Variants in PCDH11X observed in about 807,000 individuals in gnomAD.
PCDH11X encodes protocadherin-11 X-linked.
Under a neutral mutation model 53.3 loss-of-function variants are expected in PCDH11X, and 18 were observed. The ratio of observed to expected loss-of-function variants is 0.34; its 90% CI spans 0.23 to 0.50. PCDH11X has a LOEUF of 0.50. Among genes scored for constraint, PCDH11X ranks in the 20% least tolerant of loss-of-function variants. The pLI, the probability that PCDH11X is intolerant of heterozygous loss-of-function variation, is 0.98. For missense variants in PCDH11X, 570 were observed against 1,032.4 expected (o/e 0.55, Z 6.14); for synonymous variants, 279 against 393.3 (o/e 0.71, Z 3.44).
intron 6 of PCDH11X, among the ~76,000 whole-genome samples, chrX:92,033,350 G>A (rs1206633312): frequency 2.0e-5 from 2 of 99,831 alleles, no homozygotes; most frequent in Admixed American, 1.1e-4. Flanking sequence ...GAATTCAACA[G>A]TGAAGCCATT....
In PCDH11X at chrX:92,299,205, C is replaced by T. The variant is rs375308335; in HGVS notation, c.3144+36062C>T. The stretch of plus-strand genomic sequence containing the variant: ...AGAATTCCGTCATTATCTTGTCATG[C>T]TTTAAGGCCCAGGAAAGGCCTAGGC... On this transcript the variant is annotated intron_variant, in intron 8 of 10. Coordinates refer to ENST00000682573, the MANE Select transcript of PCDH11X (RefSeq NM_032968.5). 4.7e-4 allele frequency among the ~76,000 whole-genome samples: 52 copies of T among 111,586 alleles called. No individual in the cohort carries two copies. In the East Asian group the frequency reaches 0.011, roughly 24 times the overall value.
At chrX:92,330,120 C>T (rs1220536563) in intron 8 of PCDH11X, among the ~76,000 whole-genome samples, 3 of 109,506 alleles carry the variant, frequency 2.7e-5, no homozygotes, top group Admixed American at 9.8e-5. Flanking sequence ...CTACTATATA[C>T]CCGCAAATTA....
intron 8 of PCDH11X, among the ~76,000 whole-genome samples, chrX:92,294,213 C>T (rs2068560223): frequency 9.1e-6 from 1 of 110,449 alleles, no homozygotes; most frequent in Admixed American, 9.7e-5. Context: ...ATGATCTTGG[C>T]TCACTGCAAC....
At chrX:92,572,973 A>G (rs1922381931) in intron 10 of PCDH11X, among the ~76,000 whole-genome samples, 2 of 110,916 alleles carry the variant, frequency 1.8e-5, no homozygotes, top group Non-Finnish European at 3.8e-5. Context: ...ATCTGAATGC[A>G]AGCTGTGATG....
intron 6 of PCDH11X, among the ~76,000 whole-genome samples, chrX:92,068,907 G>A (rs1446381401): frequency 2.7e-5 from 3 of 111,047 alleles, no homozygotes; most frequent in Non-Finnish European, 3.8e-5. Context: ...TATATGGTCT[G>A]TCATTGAGAA....
chrX:92,470,293 C>T lies in PCDH11X; in HGVS notation c.3367+1971C>T, dbSNP rs758188596. ...CTGATATGTTGTTGGATTTTGGATA[C>T]GAAATCAACATACAAAATTACTAAA... On this transcript the variant is annotated intron_variant, in intron 10 of 10. Coordinates refer to ENST00000682573, the MANE Select transcript of PCDH11X (RefSeq NM_032968.5). Among the ~76,000 whole-genome samples, 196 of 98,033 alleles carry T rather than the reference C, an allele frequency of 2.0e-3. 1 individual carries two copies. The highest frequency in any genetic ancestry group is 6.9e-3 in the African/African-American group (186 of 26,964). 85.1% of individuals were successfully genotyped at this position (98,033 alleles called of 115,157 possible).
intron 6 of PCDH11X, among the ~76,000 whole-genome samples, chrX:91,934,260 A>T (rs1281373062): frequency 9.0e-6 from 1 of 110,742 alleles, no homozygotes; most frequent in Non-Finnish European, 1.9e-5. Flanking sequence ...AGAATCATTG[A>T]TTAGTGGCAT....
At chrX:92,417,832 T>TTTTTG (rs1197320817) in intron 9 of PCDH11X, among the ~76,000 whole-genome samples, 1 of 94,439 alleles carries the variant, frequency 1.1e-5, no homozygotes, top group East Asian at 3.4e-4. Context: ...TTTTTTTTTT[T>TTTTTG]TTTTTGCCCC....
At chrX:92,081,306 G>A (rs775539823) in intron 6 of PCDH11X, among the ~76,000 whole-genome samples, 1 of 110,045 alleles carries the variant, frequency 9.1e-6, no homozygotes, top group Non-Finnish European at 1.9e-5. Context: ...CTCTGCCCCT[G>A]CTTGAATACC....
intron 6 of PCDH11X, among the ~76,000 whole-genome samples, chrX:92,014,651 A>T (rs2062757638): frequency 8.9e-6 from 1 of 111,864 alleles, no homozygotes. Flanking sequence ...TTCAACAATG[A>T]TAGACTGGAT....
At chrX:92,617,483 ATTTC>A (rs1035512373) in intron 10 of PCDH11X, among the ~76,000 whole-genome samples, 42 of 111,133 alleles carry the variant, frequency 3.8e-4, no homozygotes, top group Non-Finnish European at 7.6e-4. Context: ...CATATAATGT[ATTTC>A]TTTATACTGG....
intron 8 of PCDH11X, among the ~76,000 whole-genome samples, chrX:92,366,073 T>G (rs752857840): frequency 9.1e-6 from 1 of 109,972 alleles, no homozygotes; most frequent in Non-Finnish European, 1.9e-5. Flanking sequence ...GGTTCCTTTT[T>G]GTACCTCTGG....
intron 10 of PCDH11X, among the ~76,000 whole-genome samples, chrX:92,511,759 T>C (rs1200543734): frequency 1.8e-5 from 2 of 111,369 alleles, no homozygotes; most frequent in East Asian, 5.6e-4. Context: ...TAGGAAACAA[T>C]TCAGTATAGC....
chrX:92,069,723 C>T (rs2063669318), intron 6 of PCDH11X, among the ~76,000 whole-genome samples: 1 of 111,265 alleles, frequency 9.0e-6, no homozygotes, highest in African/African-American at 3.3e-5. Context: ...GCTCTGTCAC[C>T]CAGGCTGGAG....
intron 8 of PCDH11X, among the ~76,000 whole-genome samples, chrX:92,370,555 G>C (rs1430771667): frequency 9.3e-6 from 1 of 107,630 alleles, no homozygotes; most frequent in Non-Finnish European, 1.9e-5. Flanking sequence ...CACCTCCCAG[G>C]TTCAAGCGAT....
chrX:92,010,131 G>T (rs1181693077), intron 6 of PCDH11X, among the ~76,000 whole-genome samples: 2 of 110,820 alleles, frequency 1.8e-5, no homozygotes, highest in African/African-American at 6.6e-5. Context: ...AAACTGTTCT[G>T]TGCACATGGA....
chrX:92,123,448 T>C (rs918909156), intron 6 of PCDH11X, among the ~76,000 whole-genome samples: 1 of 111,743 alleles, frequency 8.9e-6, no homozygotes, highest in Non-Finnish European at 1.9e-5. Flanking sequence ...CTCTTGATGG[T>C]ATCATATCCT....
chrX:92,326,220 G>T (rs2148498463), intron 8 of PCDH11X, among the ~76,000 whole-genome samples: 1 of 109,207 alleles, frequency 9.2e-6, no homozygotes, highest in South Asian at 4.1e-4. Context: ...TAGATTTCTG[G>T]CCTCTCCATG....
chrX:91,890,766 T>G (rs1465318719), intron 6 of PCDH11X, among the ~76,000 whole-genome samples: 3 of 110,363 alleles, frequency 2.7e-5, no homozygotes, highest in Non-Finnish European at 5.7e-5. Flanking sequence ...ATTTGCTGTT[T>G]CATGTGTCTT....
Sources: allele counts gnomAD v4.1 joint callset (sites outside exome capture counted in the v4.1 genomes callset), GRCh38; gene constraint gnomAD v4.1.1; transcripts MANE v1.5; gene names NCBI Gene and HGNC (gene_info 2026-07-23, HGNC 2026-07-21).